KAZN: variants seen among roughly 807,000 people sequenced by gnomAD.
KAZN encodes the protein kazrin, periplakin interacting protein.
In KAZN, 40 loss-of-function variants were observed where a neutral mutation model predicts 87.4. That is an observed-to-expected ratio of 0.46 (90% CI 0.36 to 0.60). The LOEUF is 0.60. Ranked by LOEUF, KAZN falls within the 20% of genes least tolerant of loss-of-function variation. The pLI is 0.00. For synonymous variants in KAZN, 466 were observed against 458.3 expected (o/e 1.02, Z -0.22); for missense variants, 898 against 1,073.9 (o/e 0.84, Z 2.29).
At chr1:14,152,415 C>T (rs1645496834) in intron 1 of KAZN, among the ~76,000 whole-genome samples, 1 of 152,152 alleles carries the variant, frequency 6.6e-6, no homozygotes. Flanking sequence ...TTAGATATTA[C>T]AAATAAGTGA....
At chr1:14,763,824 T>C (rs1360443391) in intron 1 of KAZN, among the ~76,000 whole-genome samples, 1 of 152,138 alleles carries the variant, frequency 6.6e-6, no homozygotes, top group African/African-American at 2.4e-5. Flanking sequence ...ATCTTGGCTC[T>C]CTGCAACTTC....
intron 1 of KAZN, among the ~76,000 whole-genome samples, chr1:14,649,538 C>T (rs999252820): frequency 1.7e-4 from 26 of 152,148 alleles, no homozygotes; most frequent in African/African-American, 6.3e-4. Context: ...ATTACAGTGA[C>T]CAAGGATGTA....
At chr1:14,934,320 C>T (rs12729744) in intron 1 of KAZN, among the ~76,000 whole-genome samples, 23,530 of 151,764 alleles carry the variant, frequency 0.16, 1,988 homozygotes, top group Admixed American at 0.24. Context: ...CAATTCTCTG[C>T]TTCAGCCTCC....
chr1:14,603,147 T>C lies in KAZN; in HGVS notation c.226+3924T>C, dbSNP rs542057114. On this transcript the variant is annotated intron_variant, in intron 1 of 14. Transcript: ENST00000376030. ...CTGTGGAGACGCTAGACACTGTCGC[T>C]TTGCAAAGTAAGTTCTGTCTTTTGG... Among the ~76,000 whole-genome samples the C allele has an allele frequency of 2.6e-5, 4 of 152,360 alleles. No homozygotes were observed. In the East Asian group the frequency reaches 7.7e-4, roughly 29 times the overall value.
intron 2 of KAZN, among the ~76,000 whole-genome samples, chr1:14,447,368 A>G (rs1667044194): frequency 6.6e-6 from 1 of 151,628 alleles, no homozygotes; most frequent in African/African-American, 2.4e-5. Context: ...CCTCCCGAGT[A>G]GCTGGGACTA....
intron 1 of KAZN, among the ~76,000 whole-genome samples, chr1:13,982,127 C>T (rs550874766): frequency 4.6e-5 from 7 of 152,306 alleles, no homozygotes; most frequent in East Asian, 3.9e-4. Context: ...GACTCCAGTC[C>T]GGCCAGGGCC....
chr1:14,159,523 A>G (rs528732980), intron 1 of KAZN, among the ~76,000 whole-genome samples: 10 of 152,352 alleles, frequency 6.6e-5, no homozygotes, highest in Non-Finnish European at 1.2e-4. Flanking sequence ...CCTCTGGTCC[A>G]GGGCAGGCCC....
chr1:15,114,637 G>C lies in KAZN; in HGVS notation c.*2G>C, dbSNP rs1353779398. The stretch of plus-strand genomic sequence containing the variant: ...AGCCTGGAGGTCACCAACGTGTAAG[G>C]AACTGGTGGCTCCACCAGACCCAAC... On this transcript the variant is annotated 3_prime_UTR_variant, in exon 15 of 15. Coordinates refer to ENST00000376030, the MANE Select transcript of KAZN (RefSeq NM_201628.3). 1 of 1,576,630 alleles carries C rather than the reference G, an allele frequency of 6.3e-7. No individual in the cohort carries two copies. Among genetic ancestry groups the C allele is most frequent in the Non-Finnish European group, 8.6e-7 (1 of 1,161,078 alleles).
intron 1 of KAZN, among the ~76,000 whole-genome samples, chr1:14,662,573 A>T (rs1050044557): frequency 1.3e-5 from 2 of 152,038 alleles, no homozygotes; most frequent in Non-Finnish European, 2.9e-5. Context: ...AAAGCTAAGT[A>T]CATTTCTGTT....
intron 2 of KAZN, among the ~76,000 whole-genome samples, chr1:14,323,728 T>C (rs923010982): frequency 7.2e-5 from 11 of 152,172 alleles, no homozygotes; most frequent in Admixed American, 2.0e-4. Context: ...TTTGGCCCAA[T>C]TGATAGGATT....
chr1:14,931,646 C>G (rs1240742921), intron 1 of KAZN, among the ~76,000 whole-genome samples: 1 of 152,162 alleles, frequency 6.6e-6, no homozygotes, highest in Non-Finnish European at 1.5e-5. Flanking sequence ...GTATCAAGTA[C>G]CCTGCGTAAT....
chr1:14,480,132 G>T (rs1199750423), intron 2 of KAZN, among the ~76,000 whole-genome samples: 1 of 152,216 alleles, frequency 6.6e-6, no homozygotes, highest in African/African-American at 2.4e-5. Context: ...GACTACCAAG[G>T]CAGCCAGCCT....
intron 1 of KAZN, among the ~76,000 whole-genome samples, chr1:14,829,126 G>A (rs1289731610): frequency 2.0e-5 from 3 of 152,192 alleles, no homozygotes; most frequent in Non-Finnish European, 2.9e-5. Context: ...AGCAGGAAAG[G>A]AGAGCCTGGA....
chr1:14,034,551 G>A (rs61777712), intron 1 of KAZN, among the ~76,000 whole-genome samples: 21,506 of 152,232 alleles, frequency 0.14, 1,927 homozygotes, highest in Middle Eastern at 0.26. Context: ...TGAACAAGGC[G>A]TTTGCCATTT....
At chr1:14,221,693 C>A (rs1474784970) in intron 2 of KAZN, among the ~76,000 whole-genome samples, 8 of 152,128 alleles carry the variant, frequency 5.3e-5, no homozygotes, top group African/African-American at 1.9e-4. Context: ...CACTGAATGT[C>A]ATATCATTTC....
intron 1 of KAZN, among the ~76,000 whole-genome samples, chr1:14,000,211 C>T (rs1244007436): frequency 6.6e-6 from 1 of 152,156 alleles, no homozygotes; most frequent in Non-Finnish European, 1.5e-5. Flanking sequence ...ACACCAGCAT[C>T]ATCCTGATAC....
At chr1:14,538,785 A>C (rs991073291) in intron 2 of KAZN, among the ~76,000 whole-genome samples, 7 of 152,236 alleles carry the variant, frequency 4.6e-5, no homozygotes, top group Admixed American at 6.5e-5. Context: ...TAAACTGATC[A>C]CTTTTGAAAT....
At chr1:13,931,392 G>A (rs1275553483) in intron 1 of KAZN, among the ~76,000 whole-genome samples, 2 of 152,186 alleles carry the variant, frequency 1.3e-5, no homozygotes, top group African/African-American at 4.8e-5. Flanking sequence ...ACCTGGCCGG[G>A]TGTGACTGCA....
At chr1:13,942,698 C>T (rs966830877) in intron 1 of KAZN, among the ~76,000 whole-genome samples, 1 of 151,456 alleles carries the variant, frequency 6.6e-6, no homozygotes, top group Non-Finnish European at 1.5e-5. Flanking sequence ...AAAACCAAGA[C>T]AAAGACTTGA....
Sources: allele counts gnomAD v4.1 joint callset (sites outside exome capture counted in the v4.1 genomes callset), GRCh38; gene constraint gnomAD v4.1.1; transcripts MANE v1.5; gene names NCBI Gene and HGNC (gene_info 2026-07-23, HGNC 2026-07-21).